ANKS1B: variants seen among roughly 807,000 people sequenced by gnomAD.
ANKS1B encodes the protein ankyrin repeat and sterile alpha motif domain containing 1B, also known as ankyrin repeat and sterile alpha motif domain-containing protein 1B.
Under a neutral mutation model 148.3 loss-of-function variants are expected in ANKS1B, and 36 were observed. The ratio of observed to expected loss-of-function variants is 0.24; its 90% confidence interval spans 0.19 to 0.32. The LOEUF (loss-of-function observed/expected upper bound fraction) is 0.32, where lower values mean the gene tolerates loss of function less well. ANKS1B is among the 10% of genes least tolerant of loss of function. ANKS1B has a pLI of 1.00. For synonymous variants in ANKS1B, 542 were observed against 560.8 expected, an observed-to-expected ratio of 0.97 and a Z score of 0.47; for missense variants, 1,157 against 1,542.6, an observed-to-expected ratio of 0.75 and a Z score of 4.19.
At chr12:99,764,630 C>T (rs1315053006) in intron 8 of ANKS1B, among the ~76,000 whole-genome samples, 1 of 152,112 alleles carries the variant, frequency 6.6e-6, no homozygotes, top group Admixed American at 6.6e-5. Context: ...ACCATGTTGG[C>T]CAGGCTGGTC....
intron 17 of ANKS1B, among the ~76,000 whole-genome samples, chr12:99,040,296 G>GTA (rs889017614): frequency 6.6e-6 from 1 of 151,852 alleles, no homozygotes; most frequent in Non-Finnish European, 1.5e-5. Context: ...GTGTGTGTGT[G>GTA]TATAGTGGTA....
intron 14 of ANKS1B, among the ~76,000 whole-genome samples, chr12:99,195,811 T>A (rs2712666): frequency 0.72 from 109,307 of 151,884 alleles, 39,350 homozygotes; most frequent in Non-Finnish European, 0.73. Flanking sequence ...ATTGGTAATT[T>A]AAAAAAATCC....
At chr12:98,901,380 T>G (rs946907166) in intron 17 of ANKS1B, among the ~76,000 whole-genome samples, 2 of 152,200 alleles carry the variant, frequency 1.3e-5, no homozygotes, top group African/African-American at 4.8e-5. Context: ...AGGTCAGGAC[T>G]CTGGACAGCG....
intron 17 of ANKS1B, among the ~76,000 whole-genome samples, chr12:98,929,155 T>C (rs1176579942): frequency 6.6e-6 from 1 of 151,776 alleles, no homozygotes; most frequent in Non-Finnish European, 1.5e-5. Context: ...AATTTGGAAG[T>C]GAAATTAAGA....
intron 14 of ANKS1B, among the ~76,000 whole-genome samples, chr12:99,230,228 G>A (rs1359814851): frequency 6.6e-6 from 1 of 152,032 alleles, no homozygotes; most frequent in Non-Finnish European, 1.5e-5. Flanking sequence ...TTCAAACCTA[G>A]GTGACATACT....
chr12:99,845,051 T>C (rs922423879), intron 1 of ANKS1B, among the ~76,000 whole-genome samples: 1 of 152,184 alleles, frequency 6.6e-6, no homozygotes, highest in Non-Finnish European at 1.5e-5. Flanking sequence ...TATTGCTGTA[T>C]AGGAATGCTA....
chr12:99,648,935 C>T (rs2098399822), intron 9 of ANKS1B: 2 of 1,175,086 alleles, frequency 1.7e-6, no homozygotes, highest in African/African-American at 1.6e-5. Context: ...CATTTGGAGG[C>T]CATGGTACAT....
In ANKS1B at chr12:99,117,841, T is replaced by C. The variant is rs569597831; in HGVS notation, c.2527-32818A>G. 2.6e-5 allele frequency among the ~76,000 whole-genome samples: 4 copies of C among 152,338 alleles called. No homozygotes were observed. In the South Asian group the frequency reaches 8.3e-4, roughly 32 times the overall value. On this transcript the variant is annotated intron_variant, in intron 15 of 26. Transcript: ENST00000683438. ...CTGTCTGGTCCTGGGCTTGTGTTGGTTGCTAGGCTATTAATTACTGCCTCA... is the reference window on the plus strand; with the variant it reads ...CTGTCTGGTCCTGGGCTTGTGTTGGCTGCTAGGCTATTAATTACTGCCTCA...
At chr12:98,743,337 T>G (rs2153354689), downstream of ANKS1B, among the ~76,000 whole-genome samples, 1 of 151,076 alleles carries the variant, frequency 6.6e-6, no homozygotes, top group Middle Eastern at 3.4e-3. Context: ...TTCATAGGGT[T>G]CGTTAACTCA....
At chr12:99,640,641 C>A (rs2098293805) in intron 9 of ANKS1B, among the ~76,000 whole-genome samples, 1 of 152,158 alleles carries the variant, frequency 6.6e-6, no homozygotes, top group South Asian at 2.1e-4. Flanking sequence ...AAGTAAATTT[C>A]TTTTCTTTAT....
At chr12:99,231,481 T>C (rs1033016084) in intron 14 of ANKS1B, among the ~76,000 whole-genome samples, 2 of 152,122 alleles carry the variant, frequency 1.3e-5, no homozygotes, top group African/African-American at 4.8e-5. Flanking sequence ...TCTGAGCTCT[T>C]CTTCATCTAT....
chr12:99,099,250 A>G (rs1487905913), intron 15 of ANKS1B, among the ~76,000 whole-genome samples: 1 of 152,224 alleles, frequency 6.6e-6, no homozygotes, highest in Non-Finnish European at 1.5e-5. Flanking sequence ...CAAATGGGTG[A>G]CCAGCCAGAA....
chr12:99,238,953 A>C (rs1261899330), intron 14 of ANKS1B, among the ~76,000 whole-genome samples: 2 of 152,312 alleles, frequency 1.3e-5, no homozygotes, highest in East Asian at 3.9e-4. Context: ...AAACCAAAAA[A>C]ATGGGAGAAA....
At chr12:98,971,213 C>T (rs914428478) in intron 17 of ANKS1B, among the ~76,000 whole-genome samples, 2 of 152,210 alleles carry the variant, frequency 1.3e-5, no homozygotes, top group African/African-American at 4.8e-5. Flanking sequence ...TAAACTTCAA[C>T]TTGAACCCAA....
intron 17 of ANKS1B, among the ~76,000 whole-genome samples, chr12:99,002,397 C>T (rs1353126779): frequency 1.3e-5 from 2 of 152,112 alleles, no homozygotes; most frequent in Non-Finnish European, 2.9e-5. Flanking sequence ...TATATATTTA[C>T]AGCGTACAAC....
At chr12:99,214,659 ATGGGCTAATAAGAGTAAAC>A (rs1448343060) in intron 14 of ANKS1B, among the ~76,000 whole-genome samples, 1 of 152,196 alleles carries the variant, frequency 6.6e-6, no homozygotes, top group Non-Finnish European at 1.5e-5. Flanking sequence ...CAGTATGAAA[ATGGGCTAATAAGAGTAAAC>A]TGGTACCAGT....
chr12:99,521,378 G>A (rs1239582183), intron 9 of ANKS1B, among the ~76,000 whole-genome samples: 2 of 152,054 alleles, frequency 1.3e-5, no homozygotes, highest in African/African-American at 2.4e-5. Context: ...GTTTCTCCAG[G>A]ATTAGTCCTT....
chr12:99,752,720 T>C (rs539239965), intron 8 of ANKS1B, among the ~76,000 whole-genome samples: 1 of 152,022 alleles, frequency 6.6e-6, no homozygotes, highest in Non-Finnish European at 1.5e-5. Context: ...ATACAACTTA[T>C]AATTCTGATA....
chr12:99,535,408 C>T (rs1160456600), intron 9 of ANKS1B, among the ~76,000 whole-genome samples: 1 of 152,188 alleles, frequency 6.6e-6, no homozygotes, highest in African/African-American at 2.4e-5. Context: ...TGTCTCTGAA[C>T]TCATCTCCCT....
Sources: gnomAD v4.1 joint callset for allele counts (sites outside exome capture counted in the v4.1 genomes callset) on GRCh38, gnomAD v4.1.1 for gene constraint, MANE v1.5 for transcripts, NCBI Gene and HGNC (gene_info 2026-07-23, HGNC 2026-07-21) for gene names.